HDAC9: variants seen among roughly 807,000 people sequenced by gnomAD.
HDAC9 encodes the protein MEF-2 interacting transcription repressor (MITR) protein.
A neutral mutation model predicts 139.4 loss-of-function variants in HDAC9; 41 were observed. The observed-to-expected ratio is 0.29, with a 90% CI of 0.23 to 0.38. The LOEUF is 0.38. Ranked by LOEUF, HDAC9 falls within the 10% of genes least tolerant of loss-of-function variation. HDAC9 has a pLI of 1.00. For missense variants in HDAC9, 1,147 were observed against 1,297.0 expected (o/e 0.88, Z 1.78); for synonymous variants, 517 against 476.2 (o/e 1.09, Z -1.12).
chr7:18,874,191 C>G (rs752178352), intron 21 of HDAC9, among the ~76,000 whole-genome samples: 1 of 150,062 alleles, frequency 6.7e-6, no homozygotes, highest in East Asian at 2.0e-4. Flanking sequence ...CAGCCACAGA[C>G]GTATGTGTAA....
intron 1 of HDAC9, among the ~76,000 whole-genome samples, chr7:18,332,137 T>C (rs995557454): frequency 6.6e-6 from 1 of 151,692 alleles, no homozygotes; most frequent in African/African-American, 2.4e-5. Context: ...ACAGAGTGAG[T>C]AATTCACACA....
intron 2 of HDAC9, among the ~76,000 whole-genome samples, chr7:18,233,999 A>G (rs201680075): frequency 6.6e-6 from 1 of 152,206 alleles, no homozygotes; most frequent in East Asian, 1.9e-4. Flanking sequence ...ATCCAAACAA[A>G]CACTGACATA....
At chr7:18,457,709 G>A (rs1347990338) in intron 1 of HDAC9, among the ~76,000 whole-genome samples, 1 of 152,110 alleles carries the variant, frequency 6.6e-6, no homozygotes, top group South Asian at 2.1e-4. Flanking sequence ...GCATTAGTGA[G>A]TTTTTTAAAA....
chr7:18,154,543 C>T (rs960900478), intron 1 of HDAC9, among the ~76,000 whole-genome samples: 1 of 152,138 alleles, frequency 6.6e-6, no homozygotes, highest in Non-Finnish European at 1.5e-5. Context: ...ACATTTATTT[C>T]CTTCAAGCCT....
At chr7:18,630,045 A>G (rs918412833) in intron 7 of HDAC9, among the ~76,000 whole-genome samples, 27 of 152,060 alleles carry the variant, frequency 1.8e-4, no homozygotes, top group African/African-American at 6.3e-4. Flanking sequence ...TGGGTCTCAA[A>G]TGGAAGAGTT....
rs1000165175 is a variant in HDAC9 at position 18,618,760 on chromosome 7, A to G, written c.665-10590A>G. Among the ~76,000 whole-genome samples the G allele has an allele frequency of 6.0e-5, 8 of 133,822 alleles. No homozygotes were observed. The South Asian group carries it at 1.0e-3, about 17-fold the overall frequency. The allele number at this position is 133,822 out of a possible 152,430, so 87.8% of individuals were successfully genotyped here. A position where few individuals can be genotyped will look rare whatever the true frequency, so the allele number is the denominator to read the frequency against. On this transcript the variant is annotated intron_variant, in intron 6 of 25. Transcript: ENST00000686413. ...TATATATATATATATATATATATAT[A>G]TGTAGGAATTCGTTTGTTACAGAAA...
At chr7:18,755,425 T>C (rs1391265142) in intron 14 of HDAC9, among the ~76,000 whole-genome samples, 2 of 152,158 alleles carry the variant, frequency 1.3e-5, no homozygotes, top group East Asian at 3.8e-4. Flanking sequence ...AGCTTATTAA[T>C]AAAAAGAGTT....
intron 1 of HDAC9, among the ~76,000 whole-genome samples, chr7:18,442,141 A>G (rs1298199964): frequency 6.6e-5 from 10 of 152,156 alleles, no homozygotes; most frequent in Non-Finnish European, 1.2e-4. Flanking sequence ...TCAATTCCCA[A>G]TGCAGGGATT....
intron 24 of HDAC9, among the ~76,000 whole-genome samples, chr7:18,966,831 C>T (rs528751577): frequency 5.3e-5 from 8 of 152,168 alleles, no homozygotes; most frequent in African/African-American, 1.4e-4. Flanking sequence ...ACTCTCAATA[C>T]TTTTGCTACA....
rs369886727 is a variant in HDAC9, at chr7:18,170,621, A to G, written c.25+8272A>G. On this transcript the variant is annotated intron_variant, in intron 2 of 12. Coordinates refer to the HDAC9 transcript ENST00000417496. ...TTTAATCCATCTTGAATTAATTTTT[A>G]TATAAGGTGTAAGGAAGGGATCCAG... Among the ~76,000 whole-genome samples the G allele has an allele frequency of 3.3e-5, 5 of 152,044 alleles. No individual in the cohort carries two copies. The East Asian group carries it at 7.7e-4, about 24-fold the overall frequency.
At position 18,871,186 on chromosome 7, in the gene HDAC9, G is replaced by T. The variant is rs909122625; in HGVS notation, c.2685-3292G>T. Among the ~76,000 whole-genome samples, 14 of 152,030 alleles carry T rather than the reference G, an allele frequency of 9.2e-5. No individual in the cohort carries two copies. The East Asian group carries it at 1.6e-3, about 17-fold the overall frequency. On this transcript the variant is annotated intron_variant, in intron 21 of 25. Coordinates refer to ENST00000686413, the MANE Select transcript of HDAC9 (RefSeq NM_178425.4). ...ATCCAATACTATCATTATTTATTTTGCTCATCAAATTGTTTCAGCTTTGGC... is the reference window on the plus strand; with the variant it reads ...ATCCAATACTATCATTATTTATTTTTCTCATCAAATTGTTTCAGCTTTGGC...
At chr7:18,282,516 TC>T (rs1456112691) in intron 2 of HDAC9, among the ~76,000 whole-genome samples, 1 of 152,222 alleles carries the variant, frequency 6.6e-6, no homozygotes, top group African/African-American at 2.4e-5. Context: ...CAATGCAAGG[TC>T]CCGGGACCCT....
intron 11 of HDAC9, among the ~76,000 whole-genome samples, chr7:18,659,882 T>A (rs1792582111): frequency 6.6e-6 from 1 of 152,128 alleles, no homozygotes; most frequent in Non-Finnish European, 1.5e-5. Flanking sequence ...TGCTAGGGGA[T>A]CACCTCCAGA....
At chr7:18,931,372 A>G (rs1171872235) in intron 22 of HDAC9, among the ~76,000 whole-genome samples, 2 of 152,184 alleles carry the variant, frequency 1.3e-5, no homozygotes, top group Non-Finnish European at 2.9e-5. Context: ...TCGGCATCAT[A>G]ATGAGGTCCA....
At chr7:18,293,682 G>A (rs142003046) in intron 1 of HDAC9, among the ~76,000 whole-genome samples, 4 of 152,156 alleles carry the variant, frequency 2.6e-5, no homozygotes, top group East Asian at 1.9e-4. Context: ...GGAAATTTCT[G>A]TATTTGTCTG....
intron 16 of HDAC9, among the ~76,000 whole-genome samples, chr7:18,770,640 A>G (rs1435644872): frequency 6.6e-6 from 1 of 152,156 alleles, no homozygotes; most frequent in African/African-American, 2.4e-5. Flanking sequence ...GTTGTCATTT[A>G]TAACTTGGAA....
At position 18,986,906 on chromosome 7, in the gene HDAC9, T is replaced by C. The variant is rs1422727637; in HGVS notation, c.3171-9117T>C. On this transcript the variant is annotated intron_variant, in intron 25 of 25. Coordinates refer to ENST00000686413, the MANE Select transcript of HDAC9 (RefSeq NM_178425.4). ...TGTATAAGAATGCTTGTGATTTTTG[T>C]ACATTGATTTTGTATCCTGAGACTT... 5.3e-5 allele frequency among the ~76,000 whole-genome samples: 8 copies of C among 152,312 alleles called. No individual in the cohort carries two copies. In the South Asian group the frequency reaches 1.0e-3, roughly 20 times the overall value.
chr7:18,948,196 T>C (rs928810119), intron 23 of HDAC9, among the ~76,000 whole-genome samples: 2 of 151,938 alleles, frequency 1.3e-5, no homozygotes, highest in African/African-American at 4.8e-5. Flanking sequence ...ATTTCAGCAT[T>C]GTTCAGGGAA....
At position 18,114,140 on chromosome 7, in the gene HDAC9, T is replaced by G. The variant is rs367575320; in HGVS notation, c.-97+26927T>G. Among the ~76,000 whole-genome samples, 19 of 152,322 alleles carry G rather than the reference T, an allele frequency of 1.2e-4. No individual in the cohort carries two copies. The East Asian group carries it at 2.7e-3, about 22-fold the overall frequency. On this transcript the variant is annotated intron_variant, in intron 1 of 12. Coordinates refer to the HDAC9 transcript ENST00000417496. ...ACAGCTGGTCCTTGTGTTTGTTGAT[T>G]AATTTATGGTTGCAAGATGATACTG... is the stretch of plus-strand genomic sequence containing the variant.
Sources: gnomAD v4.1 joint callset for allele counts (sites outside exome capture counted in the v4.1 genomes callset) on GRCh38, gnomAD v4.1.1 for gene constraint, MANE v1.5 for transcripts, NCBI Gene and HGNC (gene_info 2026-07-23, HGNC 2026-07-21) for gene names.